Variants in RNF6 observed in about 807,000 individuals in gnomAD.
The protein encoded by RNF6 is ring finger protein 6.
In RNF6, 21 loss-of-function variants were observed where a neutral mutation model predicts 50.1. That is an observed-to-expected ratio of 0.42 (90% confidence interval 0.30 to 0.60). The LOEUF (loss-of-function observed/expected upper bound fraction) is 0.60. RNF6 is among the 20% of genes least tolerant of loss of function. The pLI is 0.20. For synonymous variants in RNF6, 255 were observed against 291.8 expected, an observed-to-expected ratio of 0.87 and a Z score of 1.29; for missense variants, 698 against 838.2, an observed-to-expected ratio of 0.83 and a Z score of 2.07.
chr13:26,214,856 C>G lies in RNF6; in HGVS notation c.1026G>C (p.Arg342Ser), dbSNP rs149943243. The change falls in exon 5 of 5, where the codon AGG becomes AGC. Residue 342 changes from arginine (R) to serine (S), a missense_variant. Coordinates refer to ENST00000381588, the MANE Select transcript of RNF6 (RefSeq NM_005977.4). Reference sequence around the variant, plus strand: ...AAAAGACTCGAGTTCTACCTCTCCTCCTAACAGATCTTCTAGTGGTTTGCT... The same window carrying G: ...AAAAGACTCGAGTTCTACCTCTCCTGCTAACAGATCTTCTAGTGGTTTGCT... ...PVQQTTRRSV[R>S]RRGRTRVFLE... 6.1e-4 allele frequency: 977 copies of G among 1,614,110 alleles called. No homozygotes were observed. Among genetic ancestry groups the G allele is most frequent in the Non-Finnish European group, 7.6e-4 (901 of 1,180,048 alleles).
chr13:26,211,673 G>T, downstream of RNF6, among the ~76,000 whole-genome samples: 1 of 152,126 alleles, frequency 6.6e-6, no homozygotes, highest in South Asian at 2.1e-4. Context: ...CAGGAGAATT[G>T]CTTGAACCTG....
intron 5 of RNF6, among the ~76,000 whole-genome samples, chr13:26,196,744 T>C (rs2137697148): frequency 4.5e-4 from 2 of 4,436 alleles, no homozygotes; most frequent in South Asian, 0.33. Flanking sequence ...GAAGGGAAAG[T>C]ATACAGATAG....
chr13:26,138,019 A>G (rs528799073), intron 5 of RNF6, among the ~76,000 whole-genome samples: 2 of 152,314 alleles, frequency 1.3e-5, no homozygotes, highest in East Asian at 3.9e-4. Context: ...TAGGACTCCA[A>G]GTGGTATATA....
intron 3 of RNF6, among the ~76,000 whole-genome samples, chr13:26,219,020 AC>A (rs1188965138): frequency 6.6e-6 from 1 of 152,158 alleles, no homozygotes; most frequent in African/African-American, 2.4e-5. Context: ...CAATATATAA[AC>A]ATACAAATTT....
At chr13:26,173,693 G>GAA (rs577539572) in intron 5 of RNF6, among the ~76,000 whole-genome samples, 4 of 150,534 alleles carry the variant, frequency 2.7e-5, no homozygotes, top group African/African-American at 9.7e-5. Context: ...TATTTCTTTG[G>GAA]AAAAAAAAAA....
At chr13:26,219,276 T>A in intron 3 of RNF6, 181 bp downstream of exon 3, 2 of 535,448 alleles carry the variant, frequency 3.7e-6, no homozygotes, top group Non-Finnish European at 6.4e-6. Context: ...TTTCACCTTA[T>A]AAAATACAGA....
At chr13:26,181,808 G>A (rs1873257024) in intron 5 of RNF6, among the ~76,000 whole-genome samples, 2 of 152,146 alleles carry the variant, frequency 1.3e-5, no homozygotes, top group Admixed American at 1.3e-4. Flanking sequence ...ATTATACTCT[G>A]GAGCACTCTC....
At chr13:26,151,640 A>T (rs1204397584) in intron 5 of RNF6, among the ~76,000 whole-genome samples, 3 of 115,340 alleles carry the variant, frequency 2.6e-5, no homozygotes, top group South Asian at 2.8e-4. Flanking sequence ...TTTTTGGCAG[A>T]GGAGACATTT....
intron 3 of RNF6, among the ~76,000 whole-genome samples, 167 bp from the exon 4 acceptor site, chr13:26,218,773 C>T (rs1473209253): frequency 2.6e-5 from 4 of 152,228 alleles, no homozygotes; most frequent in South Asian, 4.1e-4. Flanking sequence ...TACAAATGTG[C>T]ATCAATTCGG....
intron 5 of RNF6, among the ~76,000 whole-genome samples, chr13:26,145,594 T>C (rs1291615880): frequency 6.6e-6 from 1 of 152,194 alleles, no homozygotes; most frequent in African/African-American, 2.4e-5. Context: ...CCCCTTCACC[T>C]TCCACCATGA....
At chr13:26,155,506 TACA>T (rs929486541) in intron 5 of RNF6, among the ~76,000 whole-genome samples, 4 of 152,182 alleles carry the variant, frequency 2.6e-5, no homozygotes, top group South Asian at 2.1e-4. Context: ...GGATGAATTC[TACA>T]ACATCATATG....
rs528128351 is a variant in RNF6, at chr13:26,191,860, G to A, written n.768+23614C>T. On this transcript the variant is annotated intron_variant and non_coding_transcript_variant, in intron 5 of 5. Transcript: ENST00000468480. ...GTAGGGAACAGGAGTTTACAATTTCGTACAGATTATTTAGGGAAAGCATTG... is the reference window on the plus strand; with the variant it reads ...GTAGGGAACAGGAGTTTACAATTTCATACAGATTATTTAGGGAAAGCATTG... 1.2e-4 allele frequency among the ~76,000 whole-genome samples: 18 copies of A among 152,288 alleles called. 1 individual carries two copies. The South Asian group carries it at 1.9e-3, about 16-fold the overall frequency.
At chr13:26,132,680 C>T (rs1870452612) in intron 5 of RNF6, among the ~76,000 whole-genome samples, 1 of 152,100 alleles carries the variant, frequency 6.6e-6, no homozygotes, top group South Asian at 2.1e-4. Context: ...GAGGTAGAAA[C>T]ATTAAGTTTT....
chr13:26,177,231 G>A (rs1566421838), intron 5 of RNF6, among the ~76,000 whole-genome samples: 1 of 152,144 alleles, frequency 6.6e-6, no homozygotes, highest in Non-Finnish European at 1.5e-5. Context: ...GAAAGTGAGA[G>A]AAAGACAAAC....
intron 5 of RNF6, among the ~76,000 whole-genome samples, chr13:26,147,316 G>C (rs191707003): frequency 6.6e-6 from 1 of 152,192 alleles, no homozygotes; most frequent in Non-Finnish European, 1.5e-5. Context: ...AACAAAGAGA[G>C]GTGATGGGGA....
intron 5 of RNF6, among the ~76,000 whole-genome samples, chr13:26,141,591 A>G (rs1457849344): frequency 6.6e-6 from 1 of 152,120 alleles, no homozygotes; most frequent in East Asian, 1.9e-4. Context: ...TCGACAACCA[A>G]TTGATAGTTG....
chr13:26,162,130 C>T (rs1872242126), intron 5 of RNF6, among the ~76,000 whole-genome samples: 1 of 152,118 alleles, frequency 6.6e-6, no homozygotes, highest in South Asian at 2.1e-4. Flanking sequence ...AAGGACTCAG[C>T]CAGAGCATGC....
At chr13:26,151,633 TTGGCAGAGGAGACA>T in intron 5 of RNF6, among the ~76,000 whole-genome samples, 1 of 150,856 alleles carries the variant, frequency 6.6e-6, no homozygotes, top group Non-Finnish European at 1.5e-5. Context: ...TTTTTTTTTT[TTGGCAGAGGAGACA>T]TTTTTTGGAG....
intron 5 of RNF6, among the ~76,000 whole-genome samples, chr13:26,195,416 A>T (rs920651768): frequency 1.4e-4 from 21 of 152,314 alleles, no homozygotes; most frequent in African/African-American, 4.8e-4. Flanking sequence ...ATGAAGGTGT[A>T]ACACACATAT....
Sources: gnomAD v4.1 joint callset for allele counts (sites outside exome capture counted in the v4.1 genomes callset) on GRCh38, gnomAD v4.1.1 for gene constraint, MANE v1.5 for transcripts, NCBI Gene and HGNC (gene_info 2026-07-23, HGNC 2026-07-21) for gene names.